The following LRP1B variants were observed in gnomAD, a reference collection of about 807,000 sequenced individuals.
LRP1B encodes LDL receptor related protein 1B.
A neutral mutation model predicts 556.6 loss-of-function variants in LRP1B; 217 were observed. The ratio of observed to expected loss-of-function variants is 0.39; its 90% CI spans 0.35 to 0.44. The LOEUF (loss-of-function observed/expected upper bound fraction) is 0.44. Among genes scored for constraint, LRP1B ranks in the 20% least tolerant of loss-of-function variants. The pLI, the probability that LRP1B is intolerant of heterozygous loss-of-function variation, is 1.00. For missense variants in LRP1B, 5,053 were observed against 5,620.8 expected (o/e 0.90, Z 3.23); for synonymous variants, 2,047 against 1,865.8 (o/e 1.10, Z -2.50).
chr2:140,978,927 T>C (rs1228623017), intron 18 of LRP1B, among the ~76,000 whole-genome samples: 1 of 152,180 alleles, frequency 6.6e-6, no homozygotes. Context: ...TTACAATGTG[T>C]TCATATCCAG....
chr2:142,117,752 C>A (rs1401427859), intron 1 of LRP1B, among the ~76,000 whole-genome samples: 1 of 152,050 alleles, frequency 6.6e-6, no homozygotes, highest in Non-Finnish European at 1.5e-5. Context: ...GGCCTGTAAC[C>A]CTGGGCCCAC....
At chr2:140,574,521 T>G (rs1031694544) in intron 43 of LRP1B, among the ~76,000 whole-genome samples, 1 of 152,198 alleles carries the variant, frequency 6.6e-6, no homozygotes, top group Admixed American at 6.5e-5. Flanking sequence ...GAATACATTC[T>G]GTGTAAATGA....
intron 55 of LRP1B, among the ~76,000 whole-genome samples, chr2:140,498,142 TA>T (rs1255591137): frequency 6.6e-6 from 1 of 151,892 alleles, no homozygotes; most frequent in Non-Finnish European, 1.5e-5. Context: ...CTCTTTCACT[TA>T]AAAAAGACAA....
chr2:142,039,317 A>G (rs138512545), intron 1 of LRP1B, among the ~76,000 whole-genome samples: 28 of 151,616 alleles, frequency 1.8e-4, no homozygotes, highest in African/African-American at 6.8e-4. Context: ...GTAAGTGTAA[A>G]ATAACTCATC....
At chr2:142,057,736 A>C (rs1000697870) in intron 1 of LRP1B, among the ~76,000 whole-genome samples, 34 of 152,198 alleles carry the variant, frequency 2.2e-4, no homozygotes, top group African/African-American at 7.7e-4. Flanking sequence ...TGAAGTTATT[A>C]CGTAGATTAA....
intron 3 of LRP1B, among the ~76,000 whole-genome samples, chr2:141,407,139 C>T (rs1361048479): frequency 1.3e-5 from 2 of 152,012 alleles, no homozygotes; most frequent in African/African-American, 4.8e-5. Context: ...TAAATAGAAA[C>T]TTTTTTTGGT....
intron 1 of LRP1B, among the ~76,000 whole-genome samples, chr2:141,972,654 G>A (rs111712628): frequency 4.0e-5 from 6 of 150,958 alleles, no homozygotes; most frequent in African/African-American, 1.2e-4. Context: ...ACAAAAGCTG[G>A]GTTTTTTAGA....
chr2:141,941,806 T>C (rs1700813329), intron 1 of LRP1B, among the ~76,000 whole-genome samples: 1 of 152,164 alleles, frequency 6.6e-6, no homozygotes, highest in Non-Finnish European at 1.5e-5. Flanking sequence ...AAATATTCAC[T>C]TAAAAATAAT....
At chr2:141,399,843 T>C (rs888424943) in intron 3 of LRP1B, among the ~76,000 whole-genome samples, 2 of 152,170 alleles carry the variant, frequency 1.3e-5, no homozygotes, top group Non-Finnish European at 2.9e-5. Flanking sequence ...TACAGACAAA[T>C]GATATGCCAA....
At chr2:141,855,870 CTT>C (rs1312909055) in intron 1 of LRP1B, among the ~76,000 whole-genome samples, 1 of 152,124 alleles carries the variant, frequency 6.6e-6, no homozygotes, top group Non-Finnish European at 1.5e-5. Context: ...TACAAAAAGA[CTT>C]TGCACTCACA....
chr2:140,816,675 C>T (rs1361667745), intron 31 of LRP1B, among the ~76,000 whole-genome samples: 4 of 152,148 alleles, frequency 2.6e-5, no homozygotes, highest in Non-Finnish European at 4.4e-5. Context: ...AGTATGTTAG[C>T]TTAACCCTTA....
rs1299402667 is a variant in LRP1B at position 140,328,003 on chromosome 2, A to ATT, written c.12224-2126_12224-2125insAA. Among the ~76,000 whole-genome samples the ATT allele has an allele frequency of 3.3e-5, 5 of 152,126 alleles. No individual in the cohort carries two copies. The East Asian group carries it at 7.7e-4, about 24-fold the overall frequency. On this transcript the variant is annotated intron_variant, in intron 79 of 90. Coordinates refer to ENST00000389484, the MANE Select transcript of LRP1B (RefSeq NM_018557.3). ...GATAGTCTTCTAAATTAAAAAGTTA[A>ATT]TAAAGGAATCAACTAACTTTTCCTG...
intron 2 of LRP1B, among the ~76,000 whole-genome samples, chr2:141,789,855 T>G (rs1695553579): frequency 6.6e-6 from 1 of 151,964 alleles, no homozygotes; most frequent in Non-Finnish European, 1.5e-5. Context: ...CAAATAAGTG[T>G]CTTCTACTTA....
At chr2:140,355,006 A>G (rs1682145658) in intron 75 of LRP1B, among the ~76,000 whole-genome samples, 1 of 149,936 alleles carries the variant, frequency 6.7e-6, no homozygotes, top group African/African-American at 2.5e-5. Flanking sequence ...TTTTCCTTAA[A>G]ATCAAAACTT....
intron 49 of LRP1B, among the ~76,000 whole-genome samples, chr2:140,521,174 C>G (rs774887475): frequency 5.3e-5 from 8 of 151,930 alleles, no homozygotes; most frequent in Admixed American, 1.3e-4. Context: ...GAGAAATCAA[C>G]AGACAGATTC....
At chr2:140,304,075 T>C (rs1573760125) in intron 83 of LRP1B, among the ~76,000 whole-genome samples, 1 of 152,332 alleles carries the variant, frequency 6.6e-6, no homozygotes, top group East Asian at 1.9e-4. Context: ...GACATTTGCG[T>C]TGGTTCCAAG....
intron 31 of LRP1B, among the ~76,000 whole-genome samples, chr2:140,827,045 C>G (rs1182073894): frequency 6.6e-6 from 1 of 151,988 alleles, no homozygotes; most frequent in Admixed American, 6.5e-5. Flanking sequence ...CCTGTGAGAG[C>G]CAAGGTAAAT....
chr2:141,607,701 T>C (rs1183189999), intron 2 of LRP1B, among the ~76,000 whole-genome samples: 2 of 151,512 alleles, frequency 1.3e-5, no homozygotes, highest in African/African-American at 4.9e-5. Flanking sequence ...GGAGGATTGA[T>C]TGTTTGAGTT....
chr2:140,257,894 A>T (rs1681765322), intron 86 of LRP1B, among the ~76,000 whole-genome samples: 1 of 152,146 alleles, frequency 6.6e-6, no homozygotes, highest in Admixed American at 6.5e-5. Flanking sequence ...TCTCTAAGGG[A>T]CCACAAGGTC....
Sources: allele counts gnomAD v4.1 joint callset (sites outside exome capture counted in the v4.1 genomes callset), GRCh38; gene constraint gnomAD v4.1.1; transcripts MANE v1.5; gene names NCBI Gene and HGNC (gene_info 2026-07-23, HGNC 2026-07-21).